Variants in TNK2 observed in about 807,000 individuals in gnomAD.
TNK2 encodes tyrosine kinase non receptor 2, also known as activated CDC42 kinase 1.
TNK2 carries 83 observed loss-of-function variants against 101.8 expected under a neutral mutation model. That is an observed-to-expected ratio of 0.82 (90% CI 0.68 to 0.98). The LOEUF (loss-of-function observed/expected upper bound fraction) is 0.98. Among genes scored for constraint, TNK2 ranks in the 50% least tolerant of loss-of-function variants. The pLI is 0.00. For missense variants in TNK2, 1,665 were observed against 1,483.2 expected, an observed-to-expected ratio of 1.12 and a Z score of -2.01; for synonymous variants, 804 against 633.0, an observed-to-expected ratio of 1.27 and a Z score of -4.06.
rs1738954382 is a variant in TNK2 at position 195,864,134 on chromosome 3, G to T, written c.*47C>A. 6.2e-7 allele frequency: 1 copy of T among 1,613,568 alleles called. No homozygotes were observed. Among genetic ancestry groups the T allele is most frequent in the Non-Finnish European group, 8.5e-7 (1 of 1,179,662 alleles). On this transcript the variant is annotated 3_prime_UTR_variant, in exon 16 of 16. Coordinates refer to ENST00000672887, the MANE Select transcript of TNK2 (RefSeq NM_001382273.1). ...CTCCCCACTCCTGGTGGACGGACAGGCTCAGGTGATTCCTTCAGGCAGGCC... is the reference window on the plus strand; with the variant it reads ...CTCCCCACTCCTGGTGGACGGACAGTCTCAGGTGATTCCTTCAGGCAGGCC...
At chr3:195,869,648 G>GAAGTGAATGGGGGC in intron 11 of TNK2, 107 bp from the exon 12 acceptor site, 1 of 1,147,024 alleles carries the variant, frequency 8.7e-7, no homozygotes, top group Non-Finnish European at 1.3e-6. Flanking sequence ...CGAAGGGAGA[G>GAAGTGAATGGGGGC]AAGTGAATGG....
Position 195,878,537 on chromosome 3 carries a change from G to T in TNK2, c.1070C>A (p.Pro357His). The stretch of plus-strand genomic sequence containing the variant: ...GACCATGACGTTGTAGATGTCCTGG[G>T]GACAGTCCTCGGGCCGGGGCAGCCG... ...GERLPRPEDC[P>H]QDIYNVMVQC... The change falls in exon 8 of 16, where the codon CCC (proline) becomes CAC (histidine). Residue 357 changes from proline to histidine, a missense_variant. This residue lies in a region of TNK2 where 490 missense variants were observed against 522.5 expected (regional missense o/e 0.94). Coordinates refer to ENST00000672887, the MANE Select transcript of TNK2 (RefSeq NM_001382273.1). The surrounding 1 kb of genome is among the most constrained non-coding windows in gnomAD (Gnocchi z 4.7). The T allele has an allele frequency of 6.2e-7, 1 of 1,613,740 alleles. No homozygotes were observed. Among genetic ancestry groups the T allele is most frequent in the Non-Finnish European group, 8.5e-7 (1 of 1,180,012 alleles).
At chr3:195,889,751 C>A (rs1303452108) in intron 1 of TNK2, among the ~76,000 whole-genome samples, 1 of 152,224 alleles carries the variant, frequency 6.6e-6, no homozygotes, top group East Asian at 1.9e-4. Context: ...ACCTTCAAAG[C>A]TAAGCAAGCG....
chr3:195,895,537 C>T (rs1482549624), intron 1 of TNK2: 18 of 1,336,570 alleles, frequency 1.3e-5, no homozygotes, highest in Non-Finnish European at 9.5e-6. Context: ...TCCTGCAGCC[C>T]GTCCCAGCTC....
rs900630482 is a variant in TNK2 at position 195,867,759 on chromosome 3, C to A, written c.2539G>T (p.Val847Leu). The change falls in exon 13 of 16, where the codon GTG (valine) becomes TTG (leucine). Residue 847 changes from valine to leucine, a missense_variant. This residue lies in a region of TNK2 where 1,136 missense variants were observed against 894.9 expected (regional missense o/e 1.27). Coordinates refer to ENST00000672887, the MANE Select transcript of TNK2 (RefSeq NM_001382273.1). The stretch of plus-strand genomic sequence containing the variant: ...GCCCGCGGGCCAGGGGCCTGGATCA[C>A]CTGGGGGGTGGCGTACTTGGGGTCT... ...ASDPKYATPQ[V>L]IQAPGPRAGP... The A allele has an allele frequency of 1.3e-6, 2 of 1,589,918 alleles. No homozygotes were observed. Among genetic ancestry groups the A allele is most frequent in the Non-Finnish European group, 1.7e-6 (2 of 1,169,762 alleles).
chr3:195,876,400 CCAAA>C (rs1171900936), intron 9 of TNK2: 1 of 456,526 alleles, frequency 2.2e-6, no homozygotes, highest in Non-Finnish European at 4.4e-6. Context: ...GGAGGGAACT[CCAAA>C]CACAGACCCA....
intron 1 of TNK2, among the ~76,000 whole-genome samples, chr3:195,902,624 A>C (rs1165054374): frequency 7.6e-6 from 1 of 131,964 alleles, no homozygotes; most frequent in African/African-American, 3.4e-5. Context: ...TCTCAAAAAA[A>C]AAAAACAAAA....
chr3:195,870,901 T>C (rs11706425), intron 10 of TNK2, among the ~76,000 whole-genome samples: 2 of 130,286 alleles, frequency 1.5e-5, no homozygotes, highest in African/African-American at 6.9e-5. Context: ...CCAGTGTGTG[T>C]GGGCCCGCTG....
chr3:195,866,375 AT>A (rs1364029321), intron 15 of TNK2, among the ~76,000 whole-genome samples: 2 of 152,016 alleles, frequency 1.3e-5, no homozygotes, highest in Non-Finnish European at 2.9e-5. Flanking sequence ...TAATTTTTGT[AT>A]TTTTAGTAGA....
At chr3:195,870,333 C>T (rs1285575032) in intron 10 of TNK2, 128 bp from the exon 11 acceptor site, 15 of 1,529,258 alleles carry the variant, frequency 9.8e-6, no homozygotes, top group South Asian at 8.0e-5. Context: ...GGCCTCCCGC[C>T]TCCCAGTCCA....
rs926680878 is a variant in TNK2, at chr3:195,878,138, G to A, written c.1256+115C>T. ...CACACTGCAGGGTTCAGGCCCAACC[G>A]CCAGCCTGTATGTGGCCAAGGGAAT... On this transcript the variant is annotated intron_variant, in intron 9 of 15. Coordinates refer to ENST00000672887, the MANE Select transcript of TNK2 (RefSeq NM_001382273.1). This position sits in a 1 kb window ranked among gnomAD's most constrained non-coding sequence, Gnocchi z 4.7. 1.4e-5 allele frequency: 16 copies of A among 1,124,020 alleles called. No individual in the cohort carries two copies. Among genetic ancestry groups the A allele is most frequent in the Middle Eastern group, 2.2e-4 (1 of 4,544 alleles). The allele number at this position is 1,124,020 out of a possible 1,614,324, so 69.6% of individuals were successfully genotyped here.
intron 11 of TNK2, 73 bp from the exon 12 acceptor site, chr3:195,869,614 A>T: frequency 7.0e-7 from 1 of 1,423,868 alleles, no homozygotes. Context: ...AGACGGCCGG[A>T]CGAGAGGGCA....
chr3:195,871,730 G>A (rs545296262), intron 10 of TNK2, among the ~76,000 whole-genome samples: 4 of 152,316 alleles, frequency 2.6e-5, no homozygotes, highest in South Asian at 2.1e-4. Context: ...ACAGTGAGTG[G>A]GAAAGCTTCT....
chr3:195,889,769 C>T (rs1453215972), intron 1 of TNK2, among the ~76,000 whole-genome samples: 2 of 152,220 alleles, frequency 1.3e-5, no homozygotes, highest in Non-Finnish European at 2.9e-5. Flanking sequence ...GCGGACCCAC[C>T]GCACAGCAAA....
intron 4 of TNK2, chr3:195,884,183 T>G (rs1011204624): frequency 6.6e-6 from 1 of 152,168 alleles, no homozygotes; most frequent in Non-Finnish European, 1.5e-5. Context: ...TATCCAGAAT[T>G]TGTATCTTAA....
At chr3:195,897,108 C>T (rs1760666260) in intron 1 of TNK2, among the ~76,000 whole-genome samples, 1 of 152,214 alleles carries the variant, frequency 6.6e-6, no homozygotes, top group Non-Finnish European at 1.5e-5. Context: ...CTCCCCCAGC[C>T]AGAGGATTAT....
Position 195,884,766 on chromosome 3 carries a change from C to T in TNK2, c.456+46G>A, listed in dbSNP as rs760977108. On this transcript the variant is annotated intron_variant, in intron 4 of 15. Coordinates refer to ENST00000672887, the MANE Select transcript of TNK2 (RefSeq NM_001382273.1). ...GGGGGCAGAAGAGCCACTACCAGCC[C>T]CGGGTCCCATGCCTCTGCTGCGCTG... 2 of 1,542,778 alleles carry T rather than the reference C, an allele frequency of 1.3e-6. 1 individual carries two copies. Among genetic ancestry groups the T allele is most frequent in the South Asian group, 2.4e-5 (2 of 84,004 alleles).
intron 15 of TNK2, among the ~76,000 whole-genome samples, chr3:195,864,891 C>T (rs1211853346): frequency 3.1e-5 from 4 of 128,146 alleles, no homozygotes; most frequent in African/African-American, 3.0e-5. Flanking sequence ...GCCTGCGTCC[C>T]GGGTGCAAAT....
Position 195,883,222 on chromosome 3 carries a change from G to T in TNK2, c.544C>A (p.His182Asn). The T allele has an allele frequency of 6.2e-7, 1 of 1,611,590 alleles. No individual in the cohort carries two copies. Among genetic ancestry groups the T allele is most frequent in the Non-Finnish European group, 8.5e-7 (1 of 1,179,786 alleles). ...ATGAGGTTTCGGTGGTCGAGCGAGT[G>T]CATGGCATTGACCTCCCGGATGAAG... ...DDFIREVNAM[H>N]SLDHRNLIRL... Residue 182 changes from histidine to asparagine, a missense_variant, in exon 5 of 16, where the codon CAC becomes AAC. Around this residue, in one of 3 missense-constraint regions of TNK2, gnomAD observed 490 missense variants for 522.5 expected, o/e 0.94. Transcript: ENST00000672887.
Sources: gnomAD v4.1 joint callset for allele counts (sites outside exome capture counted in the v4.1 genomes callset) on GRCh38, gnomAD v4.1.1 for gene constraint, gnomAD v4.1.1 regional missense constraint, Gnocchi (gnomAD v3.1) non-coding constraint, MANE v1.5 for transcripts, NCBI Gene and HGNC (gene_info 2026-07-23, HGNC 2026-07-21) for gene names.